HERC3: variants seen among roughly 807,000 people sequenced by gnomAD.
HERC3 encodes probable E3 ubiquitin-protein ligase HERC3.
Under a neutral mutation model 129.9 loss-of-function variants are expected in HERC3, and 58 were observed. The ratio of observed to expected loss-of-function variants is 0.45; its 90% CI spans 0.36 to 0.56. HERC3 has a LOEUF of 0.56. HERC3 is among the 20% of genes least tolerant of loss of function. HERC3 has a pLI of 0.00. For synonymous variants in HERC3, 430 were observed against 451.0 expected, an observed-to-expected ratio of 0.95 and a Z score of 0.59; for missense variants, 835 against 1,244.2, an observed-to-expected ratio of 0.67 and a Z score of 4.95.
the HERC3 span, among the ~76,000 whole-genome samples, chr4:88,548,453 G>A: frequency 6.6e-6 from 1 of 152,184 alleles, no homozygotes; most frequent in Middle Eastern, 3.4e-3. Context: ...AGCCAATGAT[G>A]TTGAGCATCT....
chr4:88,577,875 G>A, the HERC3 span, among the ~76,000 whole-genome samples: 7 of 152,180 alleles, frequency 4.6e-5, no homozygotes, highest in South Asian at 1.2e-3. Flanking sequence ...GTGAACTTTA[G>A]AGCTTCAAAT....
chr4:88,597,799 A>C (rs1416265933), intron 2 of HERC3, among the ~76,000 whole-genome samples: 1 of 152,188 alleles, frequency 6.6e-6, no homozygotes, highest in Admixed American at 6.5e-5. Context: ...CAGAGGACCA[A>C]AGTCCAGCTA....
the HERC3 span, among the ~76,000 whole-genome samples, chr4:88,550,848 C>T: frequency 6.6e-6 from 1 of 151,852 alleles, no homozygotes; most frequent in Admixed American, 6.6e-5. Flanking sequence ...GCCAAAAGAA[C>T]AAAGCTGGAG....
At chr4:88,584,849 T>C in the HERC3 span, among the ~76,000 whole-genome samples, 1 of 152,230 alleles carries the variant, frequency 6.6e-6, no homozygotes, top group African/African-American at 2.4e-5. Flanking sequence ...GAGACATATC[T>C]TGAAATGTTA....
chr4:88,576,428 C>T, the HERC3 span, among the ~76,000 whole-genome samples: 1 of 152,194 alleles, frequency 6.6e-6, no homozygotes, highest in Admixed American at 6.6e-5. Context: ...CCACTCTGCT[C>T]CAGCCATGCT....
intron 23 of HERC3, chr4:88,697,551 G>A (rs899270008): frequency 3.1e-6 from 5 of 1,614,050 alleles, no homozygotes; most frequent in Non-Finnish European, 4.2e-6. Context: ...TCTCGATAAA[G>A]TCATTTTTCG....
chr4:88,585,262 T>G, the HERC3 span, among the ~76,000 whole-genome samples: 2 of 152,202 alleles, frequency 1.3e-5, no homozygotes, highest in Non-Finnish European at 2.9e-5. Flanking sequence ...AACATATGAA[T>G]TTAGTGGGGA....
chr4:88,674,526 C>G (rs1731954344), intron 16 of HERC3, among the ~76,000 whole-genome samples: 1 of 152,184 alleles, frequency 6.6e-6, no homozygotes, highest in Non-Finnish European at 1.5e-5. Context: ...GCAGATAATG[C>G]TTTGCATAAA....
chr4:88,681,424 T>C, intron 21 of HERC3, 99 bp downstream of exon 21: 1 of 1,040,486 alleles, frequency 9.6e-7, no homozygotes, highest in Non-Finnish European at 1.4e-6. Context: ...TCTGAGTTTA[T>C]TGCATCCTGT....
intron 1 of HERC3, among the ~76,000 whole-genome samples, chr4:88,594,151 A>G (rs1722077938): frequency 6.6e-6 from 1 of 152,214 alleles, no homozygotes; most frequent in Non-Finnish European, 1.5e-5. Flanking sequence ...TTACTTTTTG[A>G]AAAAGAAACA....
intron 23 of HERC3, chr4:88,697,350 C>T: frequency 6.2e-7 from 1 of 1,614,072 alleles, no homozygotes; most frequent in Non-Finnish European, 8.5e-7. Flanking sequence ...CCTCCTCCCC[C>T]TCCAAGGTCC....
chr4:88,698,668 C>T (rs1734939028), intron 23 of HERC3, among the ~76,000 whole-genome samples: 1 of 151,958 alleles, frequency 6.6e-6, no homozygotes, highest in African/African-American at 2.4e-5. Context: ...ATTCGTCTTC[C>T]CTGCCTTCCC....
the HERC3 span, among the ~76,000 whole-genome samples, chr4:88,543,462 T>C: frequency 2.0e-5 from 3 of 152,164 alleles, no homozygotes. Flanking sequence ...AGAACATTCC[T>C]TGCTCATGGA....
chr4:88,636,771 A>G (rs1727458026), intron 3 of HERC3, among the ~76,000 whole-genome samples: 1 of 152,234 alleles, frequency 6.6e-6, no homozygotes, highest in African/African-American at 2.4e-5. Flanking sequence ...ATGCAAAATA[A>G]CTGAAACTGT....
At chr4:88,588,093 T>A (rs920474065), upstream of HERC3, among the ~76,000 whole-genome samples, 2 of 152,258 alleles carry the variant, frequency 1.3e-5, no homozygotes, top group Non-Finnish European at 1.5e-5. Context: ...ATGAAAACAA[T>A]GAGTTTCTCA....
At chr4:88,677,104 C>T (rs912809956) in intron 18 of HERC3, among the ~76,000 whole-genome samples, 3 of 151,732 alleles carry the variant, frequency 2.0e-5, no homozygotes, top group Non-Finnish European at 4.4e-5. Context: ...CACTGCACTC[C>T]AGCCTGGGCG....
chr4:88,679,638 GCCTCCCGAGTAGTGGATTACAGGTGCCCA>G (rs1200099972), intron 19 of HERC3, among the ~76,000 whole-genome samples: 1 of 151,506 alleles, frequency 6.6e-6, no homozygotes, highest in African/African-American at 2.4e-5. Context: ...TCCTGTCTCA[GCCTCCCGAGTAGTGGATTACAGGTGCCCA>G]CCACCATGCC....
At chr4:88,585,804 T>C in the HERC3 span, among the ~76,000 whole-genome samples, 1 of 152,068 alleles carries the variant, frequency 6.6e-6, no homozygotes, top group South Asian at 2.1e-4. Flanking sequence ...AATGTTTAGA[T>C]GTGTACACAT....
chr4:88,681,213 A>G lies in HERC3; in HGVS notation c.2395A>G (p.Ile799Val), dbSNP rs754866749. 6.2e-7 allele frequency: 1 copy of G among 1,613,842 alleles called. No individual in the cohort carries two copies. Among genetic ancestry groups the G allele is most frequent in the Admixed American group, 1.7e-5 (1 of 60,006 alleles). ...GATTGGTATAACCTGTGGACTAGCT[A>G]TCTACAACTCCACTGTGGTCGATCT... ...HLIGITCGLA[I>V]YNSTVVDLHF... Residue 799 changes from isoleucine (I) to valine (V), a missense_variant, in exon 21 of 26, where the codon ATC becomes GTC. Coordinates refer to ENST00000402738, the MANE Select transcript of HERC3 (RefSeq NM_014606.3).
Sources: gnomAD v4.1 joint callset for allele counts (sites outside exome capture counted in the v4.1 genomes callset) on GRCh38, gnomAD v4.1.1 for gene constraint, MANE v1.5 for transcripts, NCBI Gene and HGNC (gene_info 2026-07-23, HGNC 2026-07-21) for gene names.